The following RABGAP1L variants were observed in gnomAD, a reference collection of about 807,000 sequenced individuals.
The protein encoded by RABGAP1L is RAB GTPase activating protein 1 like, also known as rab GTPase-activating protein 1-like.
A neutral mutation model predicts 137.7 loss-of-function variants in RABGAP1L; 63 were observed. That is an observed-to-expected ratio of 0.46 (90% CI 0.37 to 0.56). The LOEUF (loss-of-function observed/expected upper bound fraction) is 0.56, where lower values mean the gene tolerates loss of function less well. Ranked by LOEUF, RABGAP1L falls within the 20% of genes least tolerant of loss-of-function variation. RABGAP1L has a pLI of 0.00. For missense variants in RABGAP1L, 1,095 were observed against 1,244.0 expected (o/e 0.88, Z 1.80); for synonymous variants, 431 against 433.7 (o/e 0.99, Z 0.08).
At chr1:174,733,241 C>T (rs964239987) in intron 17 of RABGAP1L, among the ~76,000 whole-genome samples, 1 of 152,188 alleles carries the variant, frequency 6.6e-6, no homozygotes, top group African/African-American at 2.4e-5. Context: ...GATCCGATAA[C>T]AGCTGGGACC....
intron 19 of RABGAP1L, among the ~76,000 whole-genome samples, chr1:174,891,440 G>T (rs1358088555): frequency 6.6e-6 from 1 of 152,130 alleles, no homozygotes; most frequent in Non-Finnish European, 1.5e-5. Flanking sequence ...ATAGCTATTT[G>T]TGTGTATTTA....
intron 7 of RABGAP1L, among the ~76,000 whole-genome samples, chr1:174,254,592 G>T (rs1471240811): frequency 2.6e-5 from 4 of 152,114 alleles, no homozygotes; most frequent in African/African-American, 4.8e-5. Context: ...GCAGTGTTTG[G>T]TTTTTTGTTC....
At chr1:174,960,640 G>GA (rs959999843) in intron 20 of RABGAP1L, among the ~76,000 whole-genome samples, 18 of 146,892 alleles carry the variant, frequency 1.2e-4, no homozygotes, top group Admixed American at 2.7e-4. Flanking sequence ...CATCTCCAAA[G>GA]AAAAAAAAAA....
At chr1:174,790,364 C>A (rs1393164330) in intron 18 of RABGAP1L, among the ~76,000 whole-genome samples, 1 of 152,108 alleles carries the variant, frequency 6.6e-6, no homozygotes, top group Non-Finnish European at 1.5e-5. Context: ...TGGCTAATGC[C>A]TGTAATCCTA....
intron 12 of RABGAP1L, among the ~76,000 whole-genome samples, chr1:174,376,755 T>C (rs921485793): frequency 6.6e-6 from 1 of 152,150 alleles, no homozygotes; most frequent in Non-Finnish European, 1.5e-5. Context: ...GCAGCTAACA[T>C]CTAACTTAAG....
At chr1:174,833,451 T>TAGATAG (rs1558127395) in intron 19 of RABGAP1L, among the ~76,000 whole-genome samples, 6 of 38,128 alleles carry the variant, frequency 1.6e-4, no homozygotes, top group African/African-American at 2.4e-4. Flanking sequence ...TGTGTAGAGA[T>TAGATAG]ATATATATAT....
intron 20 of RABGAP1L, among the ~76,000 whole-genome samples, chr1:174,962,205 C>CCG (rs1553295731): frequency 1.2e-4 from 17 of 136,824 alleles, no homozygotes; most frequent in East Asian, 8.5e-4. Flanking sequence ...CACCCCCCCC[C>CCG]CACACACACA....
chr1:174,253,858 G>T (rs1391485976), intron 7 of RABGAP1L, among the ~76,000 whole-genome samples: 1 of 152,114 alleles, frequency 6.6e-6, no homozygotes, highest in Non-Finnish European at 1.5e-5. Flanking sequence ...AAGGGAAGTT[G>T]GTGATGCTCA....
intron 13 of RABGAP1L, chr1:174,544,769 A>T (rs1665846588): frequency 6.6e-6 from 1 of 152,562 alleles, no homozygotes; most frequent in African/African-American, 2.4e-5. Flanking sequence ...ATGGTGACTT[A>T]CAGATGGGGT....
At chr1:174,490,862 A>G (rs1660155234) in intron 13 of RABGAP1L, among the ~76,000 whole-genome samples, 2 of 152,144 alleles carry the variant, frequency 1.3e-5, no homozygotes, top group Non-Finnish European at 1.5e-5. Context: ...ACACAGGCCC[A>G]TGGGGAGTAC....
At chr1:174,299,994 T>A (rs890435715) in intron 10 of RABGAP1L, among the ~76,000 whole-genome samples, 2 of 152,170 alleles carry the variant, frequency 1.3e-5, no homozygotes, top group African/African-American at 2.4e-5. Flanking sequence ...GACAAATAAG[T>A]GTGGTTATTT....
intron 7 of RABGAP1L, among the ~76,000 whole-genome samples, chr1:174,269,374 T>A (rs1674361122): frequency 6.6e-6 from 1 of 152,246 alleles, no homozygotes; most frequent in Non-Finnish European, 1.5e-5. Flanking sequence ...TCAGGGAGCT[T>A]ATAGTCTTTT....
In RABGAP1L at chr1:174,820,202, G is replaced by A. The variant is rs548137541; in HGVS notation, c.2340+8242G>A. 7.2e-5 allele frequency among the ~76,000 whole-genome samples: 11 copies of A among 152,274 alleles called. No homozygotes were observed. In the East Asian group the frequency reaches 1.9e-3, roughly 27 times the overall value. ...AAATGTATATATGAAGAAGACAGAA[G>A]GTTATTTTAACCACAGTTGAGGTTT... On this transcript the variant is annotated intron_variant, in intron 19 of 25. Coordinates refer to ENST00000681986, the MANE Select transcript of RABGAP1L (RefSeq NM_001366446.1).
At chr1:174,192,845 A>G (rs1005271813) in intron 1 of RABGAP1L, among the ~76,000 whole-genome samples, 17 of 152,224 alleles carry the variant, frequency 1.1e-4, no homozygotes, top group Non-Finnish European at 4.4e-5. Flanking sequence ...CTAGGCAGGC[A>G]TGTCACCATT....
chr1:174,791,551 C>T (rs1687862636), intron 18 of RABGAP1L, among the ~76,000 whole-genome samples: 1 of 152,170 alleles, frequency 6.6e-6, no homozygotes, highest in South Asian at 2.1e-4. Flanking sequence ...AGTCTAGATT[C>T]TATACACGAT....
intron 13 of RABGAP1L, among the ~76,000 whole-genome samples, chr1:174,427,746 A>G (rs1652128704): frequency 6.6e-6 from 1 of 152,226 alleles, no homozygotes; most frequent in East Asian, 1.9e-4. Flanking sequence ...GACACCTACT[A>G]TATAAAATAA....
chr1:174,829,843 C>G (rs1409821570), intron 19 of RABGAP1L, among the ~76,000 whole-genome samples: 1 of 148,194 alleles, frequency 6.7e-6, no homozygotes, highest in African/African-American at 2.5e-5. Context: ...TCATAATTAT[C>G]CATTTATTTT....
chr1:174,378,027 T>C (rs1685727913), intron 12 of RABGAP1L, among the ~76,000 whole-genome samples: 1 of 141,338 alleles, frequency 7.1e-6, no homozygotes, highest in Non-Finnish European at 1.5e-5. Context: ...TGAGTGAGAA[T>C]ATGCGGTGTT....
At chr1:174,609,953 G>T (rs1391371730) in intron 13 of RABGAP1L, among the ~76,000 whole-genome samples, 2 of 149,190 alleles carry the variant, frequency 1.3e-5, no homozygotes, top group Admixed American at 6.7e-5. Context: ...GATCCATTTT[G>T]TTTTGTTCAT....
Sources: gnomAD v4.1 joint callset for allele counts (sites outside exome capture counted in the v4.1 genomes callset) on GRCh38, gnomAD v4.1.1 for gene constraint, MANE v1.5 for transcripts, NCBI Gene and HGNC (gene_info 2026-07-23, HGNC 2026-07-21) for gene names.